Variants in CNTN5 observed in about 807,000 individuals in gnomAD.
The protein encoded by CNTN5 is contactin-5.
In CNTN5, 77 loss-of-function variants were observed where a neutral mutation model predicts 129.1. The observed-to-expected ratio is 0.60, with a 90% confidence interval of 0.50 to 0.72. The LOEUF is 0.72. Among genes scored for constraint, CNTN5 ranks in the 30% least tolerant of loss-of-function variants. CNTN5 has a pLI of 0.00. For missense variants in CNTN5, 1,478 were observed against 1,328.8 expected (o/e 1.11, Z -1.75); for synonymous variants, 509 against 465.6 (o/e 1.09, Z -1.20).
intron 3 of CNTN5, among the ~76,000 whole-genome samples, chr11:99,772,818 A>G (rs996788979): frequency 6.6e-6 from 1 of 152,040 alleles, no homozygotes; most frequent in Non-Finnish European, 1.5e-5. Flanking sequence ...TCCAGTCTTT[A>G]TCTGTGGCAC....
At chr11:99,875,821 TC>T (rs1284804913) in intron 6 of CNTN5, among the ~76,000 whole-genome samples, 1 of 152,136 alleles carries the variant, frequency 6.6e-6, no homozygotes, top group East Asian at 1.9e-4. Flanking sequence ...AAATCAGCCT[TC>T]CCATATTTTA....
chr11:99,168,347 G>A (rs1477719532), intron 1 of CNTN5, among the ~76,000 whole-genome samples: 1 of 152,028 alleles, frequency 6.6e-6, no homozygotes, highest in Non-Finnish European at 1.5e-5. Flanking sequence ...GGGGGGTGGG[G>A]GGACGGCAGG....
intron 1 of CNTN5, among the ~76,000 whole-genome samples, chr11:99,323,715 A>C (rs1282881313): frequency 6.6e-6 from 1 of 152,166 alleles, no homozygotes; most frequent in African/African-American, 2.4e-5. Flanking sequence ...GTCAAATCCT[A>C]AAATGAAGAT....
intron 2 of CNTN5, among the ~76,000 whole-genome samples, chr11:99,431,577 T>C (rs899949759): frequency 3.9e-5 from 6 of 152,146 alleles, no homozygotes; most frequent in Admixed American, 6.6e-5. Context: ...GTTTGGGCAT[T>C]GTAGATAGCC....
chr11:99,780,618 C>T (rs1945279678), intron 3 of CNTN5, among the ~76,000 whole-genome samples: 1 of 152,028 alleles, frequency 6.6e-6, no homozygotes, highest in South Asian at 2.1e-4. Context: ...GCTCTAAAAT[C>T]TAATGGACAA....
intron 1 of CNTN5, among the ~76,000 whole-genome samples, chr11:99,061,897 T>G (rs1305598989): frequency 6.6e-6 from 1 of 150,932 alleles, no homozygotes; most frequent in African/African-American, 2.4e-5. Flanking sequence ...GAGGTGGAGG[T>G]GGGAGGATCA....
rs375739916 is a variant in CNTN5 at position 99,235,675 on chromosome 11, A to G, written c.-209-89671A>G. 3.3e-5 allele frequency among the ~76,000 whole-genome samples: 5 copies of G among 152,290 alleles called. No homozygotes were observed. In the South Asian group the frequency reaches 6.2e-4, roughly 19 times the overall value. On this transcript the variant is annotated intron_variant, in intron 1 of 24. Coordinates refer to ENST00000524871, the MANE Select transcript of CNTN5 (RefSeq NM_014361.4). ...TTATCCAGATTTGGTTAGATCTGAG[A>G]ATATTTTAAAATATTTGAAAAGTTA...
intron 9 of CNTN5, among the ~76,000 whole-genome samples, chr11:100,012,487 G>A (rs1405474535): frequency 5.3e-5 from 8 of 152,134 alleles, no homozygotes; most frequent in African/African-American, 1.9e-4. Context: ...GGTGTTATGT[G>A]TTTTCAGGGA....
intron 3 of CNTN5, among the ~76,000 whole-genome samples, chr11:99,753,211 C>T (rs1944293667): frequency 6.8e-6 from 1 of 147,466 alleles, no homozygotes; most frequent in African/African-American, 2.5e-5. Context: ...CAAGCGCTGC[C>T]TTCCGTGTTC....
chr11:100,056,908 C>T (rs1347471277), intron 9 of CNTN5, among the ~76,000 whole-genome samples: 1 of 151,656 alleles, frequency 6.6e-6, no homozygotes, highest in Admixed American at 6.6e-5. Flanking sequence ...TGACAACTAA[C>T]AAAAGCTATA....
At chr11:99,707,621 G>C (rs1200298092) in intron 3 of CNTN5, among the ~76,000 whole-genome samples, 1 of 151,628 alleles carries the variant, frequency 6.6e-6, no homozygotes, top group Non-Finnish European at 1.5e-5. Context: ...CACAGGACTT[G>C]AGTCAAATTT....
At chr11:100,019,632 T>G (rs1360036447) in intron 9 of CNTN5, among the ~76,000 whole-genome samples, 1 of 152,030 alleles carries the variant, frequency 6.6e-6, no homozygotes, top group Non-Finnish European at 1.5e-5. Flanking sequence ...TTGGCTGTTA[T>G]AAATATATGC....
At chr11:100,286,173 TG>T (rs1950784087) in intron 18 of CNTN5, among the ~76,000 whole-genome samples, 1 of 151,774 alleles carries the variant, frequency 6.6e-6, no homozygotes, top group Non-Finnish European at 1.5e-5. Flanking sequence ...GCAGCCAGGC[TG>T]GGGGAGGGGC....
At chr11:99,978,924 A>G (rs563922818) in intron 8 of CNTN5, among the ~76,000 whole-genome samples, 2 of 152,330 alleles carry the variant, frequency 1.3e-5, no homozygotes, top group Non-Finnish European at 1.5e-5. Flanking sequence ...GTGTTTTTCT[A>G]TAAGGTCAGG....
intron 1 of CNTN5, among the ~76,000 whole-genome samples, chr11:99,068,589 C>A (rs1313864584): frequency 6.6e-6 from 1 of 152,084 alleles, no homozygotes; most frequent in Non-Finnish European, 1.5e-5. Flanking sequence ...ATACACTGGC[C>A]AGTTCTTAAA....
At chr11:100,130,976 G>A (rs919850106) in intron 13 of CNTN5, among the ~76,000 whole-genome samples, 5 of 152,094 alleles carry the variant, frequency 3.3e-5, no homozygotes, top group Admixed American at 2.0e-4. Flanking sequence ...GCTGTTGATC[G>A]GTTGTTATGT....
chr11:100,122,935 T>A (rs1053407783), intron 13 of CNTN5, among the ~76,000 whole-genome samples: 1 of 152,040 alleles, frequency 6.6e-6, no homozygotes, highest in Non-Finnish European at 1.5e-5. Context: ...TTTTGCAATA[T>A]CCAAAGGAAA....
chr11:100,252,759 A>G (rs534691405), intron 16 of CNTN5, among the ~76,000 whole-genome samples: 31 of 152,230 alleles, frequency 2.0e-4, no homozygotes, highest in African/African-American at 7.5e-4. Context: ...GCTGGATGCA[A>G]GTTGGATCTC....
intron 2 of CNTN5, among the ~76,000 whole-genome samples, chr11:99,342,136 A>G (rs1248208031): frequency 6.6e-6 from 1 of 152,164 alleles, no homozygotes; most frequent in African/African-American, 2.4e-5. Flanking sequence ...AAAGATATGG[A>G]AAAAATAGTC....
Sources: gnomAD v4.1 joint callset for allele counts (sites outside exome capture counted in the v4.1 genomes callset) on GRCh38, gnomAD v4.1.1 for gene constraint, MANE v1.5 for transcripts, NCBI Gene and HGNC (gene_info 2026-07-23, HGNC 2026-07-21) for gene names.